The following NOTCH1 variants were observed in gnomAD, a reference collection of about 807,000 sequenced individuals.
The protein encoded by NOTCH1 is notch receptor 1.
Under a neutral mutation model 254.8 loss-of-function variants are expected in NOTCH1, and 37 were observed. The observed-to-expected ratio is 0.15, with a 90% CI of 0.11 to 0.19. The LOEUF (loss-of-function observed/expected upper bound fraction) is 0.19, where lower values mean the gene tolerates loss of function less well. Ranked by LOEUF, NOTCH1 falls within the 10% of genes least tolerant of loss-of-function variation. The probability of loss-of-function intolerance (pLI) is 1.00; values close to 1 mark genes in which losing one functional copy is unlikely to be tolerated. For missense variants in NOTCH1, 2,972 were observed against 3,708.6 expected (o/e 0.80, Z 5.16); for synonymous variants, 1,731 against 1,618.1 (o/e 1.07, Z -1.68).
intron 26 of NOTCH1, 34 bp downstream of exon 26, chr9:136,504,639 C>T (rs766002483): frequency 3.4e-6 from 5 of 1,483,702 alleles, no homozygotes; most frequent in Middle Eastern, 2.4e-4. Flanking sequence ...AGGAGAGTTG[C>T]GGGGATTGAC....
At position 136,508,214 on chromosome 9, in the gene NOTCH1, G is replaced by A. The variant is rs762473735; in HGVS notation, c.3325+18C>T. 3 of 1,609,860 alleles carry A rather than the reference G, an allele frequency of 1.9e-6. No homozygotes were observed. The Admixed American group carries it at 5.0e-5, about 27-fold the overall frequency. On this transcript the variant is annotated intron_variant, in intron 20 of 33. Coordinates refer to ENST00000651671, the MANE Select transcript of NOTCH1 (RefSeq NM_017617.5). ...CTTGATGGGCTGGGACCCGAGCTGG[G>A]TGGGCACAGCAGGTTACCTTGTCGC...
At chr9:136,524,233 G>A (rs953395687) in intron 2 of NOTCH1, among the ~76,000 whole-genome samples, 1 of 152,196 alleles carries the variant, frequency 6.6e-6, no homozygotes, top group Non-Finnish European at 1.5e-5. Flanking sequence ...TTGAACCCAG[G>A]AGGCAGAGGT....
At chr9:136,522,126 T>C (rs1041955717) in intron 4 of NOTCH1, among the ~76,000 whole-genome samples, 30 of 152,078 alleles carry the variant, frequency 2.0e-4, no homozygotes, top group East Asian at 3.9e-4. Context: ...TACAGGCGCG[T>C]GCCACCATGC....
rs747822127 is a variant in NOTCH1 at position 136,500,544 on chromosome 9, C to T, written c.5934+8G>A. On this transcript the variant is annotated splice_region_variant and intron_variant, in intron 31 of 33. Transcript: ENST00000651671. ...GGGCAGGTGGGCACACAGGCAGCCA[C>T]TGCCTACCTGGAAGACACCTTGTGC... 9 of 1,609,854 alleles carry T rather than the reference C, an allele frequency of 5.6e-6. No individual in the cohort carries two copies. The East Asian group carries it at 2.0e-4, about 36-fold the overall frequency.
intron 16 of NOTCH1, 24 bp from the exon 17 acceptor site, chr9:136,510,829 T>C (rs773290052): frequency 7.5e-6 from 12 of 1,605,474 alleles, no homozygotes; most frequent in Non-Finnish European, 1.0e-5. Context: ...GGAGGCCGGT[T>C]GGTCACCAGC....
rs1029981630 is a variant in NOTCH1 at position 136,545,568 on chromosome 9, C to A, written c.61+158G>T. Among the ~76,000 whole-genome samples, 7 of 151,932 alleles carry A rather than the reference C, an allele frequency of 4.6e-5. No homozygotes were observed. The highest frequency in any genetic ancestry group is 8.8e-5 in the Non-Finnish European group (6 of 67,940). On this transcript the variant is annotated intron_variant, in intron 1 of 33. Transcript: ENST00000651671. The surrounding 1 kb of genome is among the most constrained non-coding windows in gnomAD (Gnocchi z 6.8). Reference sequence around the variant, plus strand: ...GGGGGAAGGTCGGTCCTCCCTGATCCCGGGACTCCAGAACCCCACGCCCCG... The same window carrying A: ...GGGGGAAGGTCGGTCCTCCCTGATCACGGGACTCCAGAACCCCACGCCCCG...
chr9:136,517,877 T>C lies in NOTCH1; in HGVS notation c.1316A>G (p.Gln439Arg). The C allele has an allele frequency of 1.9e-6, 3 of 1,612,334 alleles. No homozygotes were observed. Among genetic ancestry groups the C allele is most frequent in the Non-Finnish European group, 1.7e-6 (2 of 1,179,856 alleles). Residue 439 changes from glutamine to arginine, a missense_variant, in exon 8 of 34, where the codon CAG becomes CGG. By Grantham distance (43) the Gln-to-Arg change is conservative (BLOSUM62 1). Coordinates refer to ENST00000651671, the MANE Select transcript of NOTCH1 (RefSeq NM_017617.5). Reference sequence around the variant, plus strand: ...GGGGCCCGTGTAGCCCTGCAGACACTGGCACTCGAAGGAGCCCAGCGTGTT... The same window carrying C: ...GGGGCCCGTGTAGCCCTGCAGACACCGGCACTCGAAGGAGCCCAGCGTGTT... ...CINTLGSFEC[Q>R]CLQGYTGPRC...
At chr9:136,517,981 C>G in intron 7 of NOTCH1, 44 bp from the exon 8 acceptor site, 1 of 1,599,120 alleles carries the variant, frequency 6.3e-7, no homozygotes, top group Non-Finnish European at 8.5e-7. Context: ...GGCACCCTGG[C>G]CCCTGCAACA....
At chr9:136,518,949 C>T (rs904446759) in intron 5 of NOTCH1, 125 bp from the exon 6 acceptor site, 11 of 769,376 alleles carry the variant, frequency 1.4e-5, no homozygotes, top group African/African-American at 5.1e-5. Context: ...CTCCACCCAC[C>T]GCCAGCCTAA....
Position 136,545,012 on chromosome 9 carries a change from C to A in NOTCH1, c.61+714G>T, listed in dbSNP as rs1475030900. 6.6e-6 allele frequency among the ~76,000 whole-genome samples: 1 copy of A among 152,156 alleles called. No homozygotes were observed. The highest frequency in any genetic ancestry group is 1.5e-5 in the Non-Finnish European group (1 of 68,002). ...GATTAATCACTCGATTCCCCAGAGACCCCGCTCGCTGTGCGGCGGGGAGAA... is the reference window on the plus strand; with the variant it reads ...GATTAATCACTCGATTCCCCAGAGAACCCGCTCGCTGTGCGGCGGGGAGAA... On this transcript the variant is annotated intron_variant, in intron 1 of 33. Coordinates refer to ENST00000651671, the MANE Select transcript of NOTCH1 (RefSeq NM_017617.5). The surrounding 1 kb of genome is among the most constrained non-coding windows in gnomAD (Gnocchi z 6.8).
rs374921637 is a variant in NOTCH1 at position 136,505,795 on chromosome 9, C to G, written c.4101G>C (p.Pro1367=). ...CLNGGTCISG[P]RSPTCLCLGP... is the part of the protein sequence containing the mutation. ...CCAGGCACAGGCAGGTGGGGCTGCG[C>G]GGGCCGGAGATGCATGTGCCGCCGT... The change falls in exon 25 of 34, where the codon CCG becomes CCC. Residue 1367 remains proline (P), a synonymous_variant. Coordinates refer to ENST00000651671, the MANE Select transcript of NOTCH1 (RefSeq NM_017617.5). 3 of 1,583,548 alleles carry G rather than the reference C, an allele frequency of 1.9e-6. No homozygotes were observed. The highest frequency in any genetic ancestry group is 1.7e-6 in the Non-Finnish European group (2 of 1,166,578).
At chr9:136,511,365 C>T in intron 15 of NOTCH1, 94 bp from the exon 16 acceptor site, 1 of 1,476,156 alleles carries the variant, frequency 6.8e-7, no homozygotes, top group Non-Finnish European at 9.1e-7. Flanking sequence ...CATCAGAGTG[C>T]CGTCTGCTGG....
rs747529236 is a variant in NOTCH1 at position 136,513,047 on chromosome 9, T to C, written c.2441A>G (p.Lys814Arg). 4 of 1,432,954 alleles carry C rather than the reference T, an allele frequency of 2.8e-6. No individual in the cohort carries two copies. The African/African-American group carries it at 6.2e-5, about 22-fold the overall frequency. 88.8% of individuals were successfully genotyped at this position (1,432,954 alleles called of 1,614,324 possible). ...TGTGTAGGGCAGCAGGCAGTTGCAC[T>C]TGTACCCGGCAACGTCGTCAATACA... ...GTCIDDVAGYKCNCLLPYTGA... is the reference protein window; with the variant it reads ...GTCIDDVAGYRCNCLLPYTGA... Residue 814 changes from lysine (K) to arginine (R), a missense_variant, in exon 15 of 34, where the codon AAG becomes AGG. Coordinates refer to ENST00000651671, the MANE Select transcript of NOTCH1 (RefSeq NM_017617.5). The surrounding 1 kb of genome is among the most constrained non-coding windows in gnomAD (Gnocchi z 4.7).
intron 2 of NOTCH1, among the ~76,000 whole-genome samples, chr9:136,529,374 C>T (rs1048414554): frequency 4.6e-5 from 7 of 152,220 alleles, no homozygotes; most frequent in Non-Finnish European, 1.0e-4. Context: ...ACCTCAGCCC[C>T]TCCCTTGGGT....
intron 15 of NOTCH1, among the ~76,000 whole-genome samples, chr9:136,512,749 C>G (rs1263733575): frequency 6.6e-6 from 1 of 152,182 alleles, no homozygotes; most frequent in Non-Finnish European, 1.5e-5. Context: ...AAATTTTCTC[C>G]CAGGCATCCT....
chr9:136,539,230 T>C (rs1324342470), intron 2 of NOTCH1, among the ~76,000 whole-genome samples: 2 of 152,232 alleles, frequency 1.3e-5, no homozygotes, highest in Admixed American at 1.3e-4. Context: ...GAAAACATGT[T>C]GGCTGCTGTT....
At position 136,532,636 on chromosome 9, in the gene NOTCH1, G is replaced by A. The variant is rs146999450; in HGVS notation, c.141-8657C>T. Reference sequence around the variant, plus strand: ...CTCCGTAGCCAACTCAAAAGAAGGCGCAACAATTCGCGGCAGTCGCCCAGC... The same window carrying A: ...CTCCGTAGCCAACTCAAAAGAAGGCACAACAATTCGCGGCAGTCGCCCAGC... On this transcript the variant is annotated intron_variant, in intron 2 of 33. Transcript: ENST00000651671. 5.1e-4 allele frequency among the ~76,000 whole-genome samples: 78 copies of A among 152,302 alleles called. 3 individuals are homozygous for A. The South Asian group carries it at 0.014, about 27-fold the overall frequency.
chr9:136,511,302 A>G (rs2133355199), intron 15 of NOTCH1, 31 bp from the exon 16 acceptor site: 3 of 1,591,460 alleles, frequency 1.9e-6, no homozygotes, highest in Non-Finnish European at 2.6e-6. Flanking sequence ...TGACCCCGGG[A>G]GCCTCACCCA....
rs534907223 is a variant in NOTCH1, at chr9:136,505,394, C to T, written c.4502G>A (p.Ser1501Asn). Residue 1501 changes from serine to asparagine, a missense_variant, in exon 25 of 34, where the codon AGT (serine) becomes AAT (asparagine). Coordinates refer to ENST00000651671, the MANE Select transcript of NOTCH1 (RefSeq NM_017617.5). The part of the protein sequence containing the change: ...TQSLQCWKYF[S>N]DGHCDSQCNS... Reference sequence around the variant, plus strand: ...GCACTGGCTGTCACAGTGGCCGTCACTGAAGTACTTCCAGCACTGCAGAGA... The same window carrying T: ...GCACTGGCTGTCACAGTGGCCGTCATTGAAGTACTTCCAGCACTGCAGAGA... 6.2e-7 allele frequency: 1 copy of T among 1,612,300 alleles called. No homozygotes were observed. Among genetic ancestry groups the T allele is most frequent in the South Asian group, 1.1e-5 (1 of 91,026 alleles).
Sources: allele counts gnomAD v4.1 joint callset (sites outside exome capture counted in the v4.1 genomes callset), GRCh38; gene constraint gnomAD v4.1.1; non-coding constraint Gnocchi (gnomAD v3.1); transcripts MANE v1.5; gene names NCBI Gene and HGNC (gene_info 2026-07-23, HGNC 2026-07-21).